ZFHX3: variants seen among roughly 807,000 people sequenced by gnomAD.
ZFHX3 encodes the protein zinc finger homeobox protein 3.
ZFHX3 carries 42 observed loss-of-function variants against 279.1 expected under a neutral mutation model. The observed-to-expected ratio is 0.15, with a 90% CI of 0.12 to 0.19. The LOEUF (loss-of-function observed/expected upper bound fraction) is 0.19. Ranked by LOEUF, ZFHX3 falls within the 10% of genes least tolerant of loss-of-function variation. ZFHX3 has a pLI of 1.00. For synonymous variants in ZFHX3, 2,293 were observed against 1,957.8 expected (o/e 1.17, Z -4.52); for missense variants, 4,981 against 4,754.0 (o/e 1.05, Z -1.40).
chr16:73,362,274 TG>T (rs1282727008), intron 3 of ZFHX3, among the ~76,000 whole-genome samples: 1 of 152,186 alleles, frequency 6.6e-6, no homozygotes, highest in Non-Finnish European at 1.5e-5. Flanking sequence ...AAACGGGACA[TG>T]GGGGCTTCCA....
intron 2 of ZFHX3, among the ~76,000 whole-genome samples, chr16:73,575,570 A>T (rs998213929): frequency 3.9e-5 from 6 of 152,222 alleles, no homozygotes; most frequent in Non-Finnish European, 7.3e-5. Flanking sequence ...AGAAATATCC[A>T]GGGCAACATA....
intron 4 of ZFHX3, among the ~76,000 whole-genome samples, chr16:73,291,359 A>G (rs2014765245): frequency 6.6e-6 from 1 of 152,156 alleles, no homozygotes; most frequent in Non-Finnish European, 1.5e-5. Context: ...CCAGTGAAAA[A>G]AAGCTCTCGG....
intron 7 of ZFHX3, chr16:73,126,933 GTCCTGGTA>G (rs1483386492): frequency 6.3e-6 from 1 of 157,776 alleles, no homozygotes; most frequent in Admixed American, 6.2e-5. Flanking sequence ...AACGTCCTGA[GTCCTGGTA>G]TCTTGTTTAT....
At chr16:73,587,157 G>T (rs989900723) in intron 2 of ZFHX3, among the ~76,000 whole-genome samples, 1 of 152,132 alleles carries the variant, frequency 6.6e-6, no homozygotes, top group African/African-American at 2.4e-5. Flanking sequence ...GCCCAACTCT[G>T]TTTCGAAACA....
In ZFHX3 at chr16:72,867,984, C is replaced by T. The variant is rs546285827; in HGVS notation, c.3448+21747G>A. Reference sequence around the variant, plus strand: ...GGCGCCCAAGGAAGCATGGAACTAACTGAGCCACTGACGAATGGGATAGAT... The same window carrying T: ...GGCGCCCAAGGAAGCATGGAACTAATTGAGCCACTGACGAATGGGATAGAT... On this transcript the variant is annotated intron_variant, in intron 4 of 9. Transcript: ENST00000268489. Among the ~76,000 whole-genome samples, 318 of 152,340 alleles carry T rather than the reference C, an allele frequency of 2.1e-3. 2 individuals carry two copies. The highest frequency in any genetic ancestry group is 7.5e-3 in the African/African-American group (311 of 41,578).
chr16:72,906,802 C>A (rs146835233), intron 3 of ZFHX3, among the ~76,000 whole-genome samples: 2 of 152,032 alleles, frequency 1.3e-5, no homozygotes, highest in African/African-American at 2.4e-5. Context: ...TGTCCACCCC[C>A]CTTCCCCCCC....
chr16:72,912,979 T>A (rs1035422858), intron 3 of ZFHX3, among the ~76,000 whole-genome samples: 1 of 152,202 alleles, frequency 6.6e-6, no homozygotes, highest in African/African-American at 2.4e-5. Flanking sequence ...TACCTCAGCC[T>A]CCGAAAGTGT....
chr16:72,906,265 A>G (rs2039169094), intron 3 of ZFHX3, among the ~76,000 whole-genome samples: 4 of 152,052 alleles, frequency 2.6e-5, no homozygotes. Flanking sequence ...AATTTTCACC[A>G]GCCAGTCCAC....
intron 4 of ZFHX3, among the ~76,000 whole-genome samples, chr16:72,853,440 C>T (rs549024868): frequency 1.4e-4 from 22 of 152,318 alleles, no homozygotes; most frequent in Admixed American, 4.6e-4. Context: ...TCTTTCTGCC[C>T]AGAACTTACT....
chr16:73,419,645 T>C (rs1239732441), intron 3 of ZFHX3, among the ~76,000 whole-genome samples: 1 of 152,104 alleles, frequency 6.6e-6, no homozygotes, highest in East Asian at 1.9e-4. Flanking sequence ...GGTCTCGCTA[T>C]GTTGCCCAGG....
At chr16:73,718,866 G>A (rs189894234) in intron 1 of ZFHX3, among the ~76,000 whole-genome samples, 54 of 152,080 alleles carry the variant, frequency 3.6e-4, no homozygotes, top group African/African-American at 1.1e-3. Context: ...TGCCCGCCTC[G>A]ACCTCCCAAA....
chr16:73,344,706 G>A (rs2194339), intron 3 of ZFHX3, among the ~76,000 whole-genome samples: 14,928 of 152,270 alleles, frequency 0.098, 974 homozygotes, highest in Middle Eastern at 0.18. Context: ...CAGAGAGAGA[G>A]AGAGAGACAG....
chr16:73,628,247 G>A (rs944524909), intron 2 of ZFHX3, among the ~76,000 whole-genome samples: 2 of 152,108 alleles, frequency 1.3e-5, no homozygotes, highest in African/African-American at 2.4e-5. Context: ...ATTACTAGGT[G>A]ACCCTAATTT....
At chr16:72,815,097 G>A (rs2036566586) in intron 5 of ZFHX3, among the ~76,000 whole-genome samples, 1 of 152,132 alleles carries the variant, frequency 6.6e-6, no homozygotes, top group South Asian at 2.1e-4. Flanking sequence ...CACCATTTCT[G>A]TAGATGGGCA....
At chr16:73,572,197 A>G (rs1204965253) in intron 2 of ZFHX3, among the ~76,000 whole-genome samples, 2 of 151,682 alleles carry the variant, frequency 1.3e-5, no homozygotes, top group African/African-American at 4.8e-5. Flanking sequence ...CTTTTTCTGA[A>G]TTGGCAGCTC....
intron 1 of ZFHX3, among the ~76,000 whole-genome samples, chr16:73,877,419 C>A (rs911867017): frequency 3.9e-5 from 6 of 151,988 alleles, no homozygotes; most frequent in Non-Finnish European, 8.8e-5. Flanking sequence ...GAACTGACAG[C>A]TAGTGGTTAC....
intron 3 of ZFHX3, among the ~76,000 whole-genome samples, chr16:72,892,915 A>T (rs1401999673): frequency 3.3e-5 from 5 of 152,104 alleles, no homozygotes; most frequent in Non-Finnish European, 7.4e-5. Context: ...TGCTTTCTGG[A>T]GGTTACAATC....
At chr16:73,766,727 G>T (rs181861402) in intron 1 of ZFHX3, among the ~76,000 whole-genome samples, 3 of 152,210 alleles carry the variant, frequency 2.0e-5, no homozygotes, top group African/African-American at 7.2e-5. Context: ...CTCAGGACAG[G>T]ACCGCAGACC....
chr16:73,572,802 C>T (rs540496780), intron 2 of ZFHX3, among the ~76,000 whole-genome samples: 19 of 152,266 alleles, frequency 1.2e-4, no homozygotes, highest in African/African-American at 3.9e-4. Context: ...TACAGGGAAC[C>T]CTTCCTCCCT....
Sources: gnomAD v4.1 joint callset for allele counts (sites outside exome capture counted in the v4.1 genomes callset) on GRCh38, gnomAD v4.1.1 for gene constraint, MANE v1.5 for transcripts, NCBI Gene and HGNC (gene_info 2026-07-23, HGNC 2026-07-21) for gene names.